Variants in PXDNL observed in about 807,000 individuals in gnomAD.
PXDNL encodes the protein probable oxidoreductase PXDNL.
In PXDNL, 145 loss-of-function variants were observed where a neutral mutation model predicts 150.8. That is an observed-to-expected ratio of 0.96 (90% CI 0.84 to 1.10). The LOEUF is 1.10. Ranked by LOEUF, PXDNL falls within the 50% of genes least tolerant of loss-of-function variation. The pLI, the probability that PXDNL is intolerant of heterozygous loss-of-function variation, is 0.00. For synonymous variants in PXDNL, 757 were observed against 725.7 expected, an observed-to-expected ratio of 1.04 and a Z score of -0.69; for missense variants, 2,087 against 1,873.9, an observed-to-expected ratio of 1.11 and a Z score of -2.10.
chr8:51,761,646 G>A (rs2037167748), intron 1 of PXDNL, among the ~76,000 whole-genome samples: 1 of 152,050 alleles, frequency 6.6e-6, no homozygotes, highest in South Asian at 2.1e-4. Context: ...GGGTTTTCTG[G>A]TATTCTTTTT....
intron 17 of PXDNL, among the ~76,000 whole-genome samples, chr8:51,377,270 TTTC>T (rs1807352164): frequency 6.6e-6 from 1 of 152,138 alleles, no homozygotes; most frequent in Non-Finnish European, 1.5e-5. Context: ...GATTTTTTTT[TTTC>T]TTTTTAAGAG....
Position 51,760,845 on chromosome 8 carries a change from C to CT in PXDNL, c.164+48335dup, listed in dbSNP as rs71237237. Among the ~76,000 whole-genome samples the CT allele has an allele frequency of 4.2e-3, 191 of 45,464 alleles. 38 individuals carry two copies. Among genetic ancestry groups the CT allele is most frequent in the African/African-American group, 6.8e-3 (76 of 11,204 alleles). The allele number at this position is 45,464 out of a possible 152,430, so 29.8% of individuals were successfully genotyped here. Reference sequence around the variant, plus strand: ...GTTAGCCTGAAGGAAATCACTTAAACTTTTTTTTTTTTTTTTTTTTTTTTT... The same window carrying CT: ...GTTAGCCTGAAGGAAATCACTTAAACTTTTTTTTTTTTTTTTTTTTTTTTTT... On this transcript the variant is annotated intron_variant, in intron 1 of 22. Coordinates refer to ENST00000356297, the MANE Select transcript of PXDNL (RefSeq NM_144651.5).
At chr8:51,705,123 T>C (rs993256646) in intron 1 of PXDNL, among the ~76,000 whole-genome samples, 3 of 152,180 alleles carry the variant, frequency 2.0e-5, no homozygotes, top group Admixed American at 1.3e-4. Context: ...GCCCGCTGGA[T>C]CATCCTTTGA....
At chr8:51,685,987 A>C (rs1431559047) in intron 1 of PXDNL, among the ~76,000 whole-genome samples, 2 of 152,198 alleles carry the variant, frequency 1.3e-5, no homozygotes, top group East Asian at 1.9e-4. Context: ...TAGATATTCA[A>C]ATTTCAGAAG....
At chr8:51,807,485 TG>T (rs778284439) in intron 1 of PXDNL, among the ~76,000 whole-genome samples, 27 of 152,126 alleles carry the variant, frequency 1.8e-4, no homozygotes, top group Non-Finnish European at 3.4e-4. Context: ...GAGATTTGGG[TG>T]GGGACACAGA....
At chr8:51,731,615 C>G (rs1002737456) in intron 1 of PXDNL, among the ~76,000 whole-genome samples, 1 of 152,256 alleles carries the variant, frequency 6.6e-6, no homozygotes, top group Non-Finnish European at 1.5e-5. Context: ...TTTGCACTGT[C>G]CTAGCAGAGG....
At chr8:51,488,032 T>C (rs776141005) in intron 5 of PXDNL, among the ~76,000 whole-genome samples, 1 of 152,176 alleles carries the variant, frequency 6.6e-6, no homozygotes, top group Non-Finnish European at 1.5e-5. Context: ...CACTAAAAAA[T>C]ATTATTTCAG....
chr8:51,626,748 T>C (rs1046018660), intron 2 of PXDNL, among the ~76,000 whole-genome samples: 8 of 152,168 alleles, frequency 5.3e-5, no homozygotes, highest in African/African-American at 1.9e-4. Context: ...AAATATTTAA[T>C]TTAAATACCC....
chr8:51,624,432 T>G (rs1211767208), intron 2 of PXDNL, among the ~76,000 whole-genome samples: 3 of 152,188 alleles, frequency 2.0e-5, no homozygotes, highest in Non-Finnish European at 4.4e-5. Flanking sequence ...ATGTAGCCTT[T>G]TCACATTGCT....
In PXDNL at chr8:51,698,674, T is replaced by C. The variant is rs114083472; in HGVS notation, c.165-43914A>G. ...CGCCTGTTCTTAACATTATCTAAAA[T>C]GGTAAATCCTTTCCAGAAACCTTTC... On this transcript the variant is annotated intron_variant, in intron 1 of 22. Coordinates refer to ENST00000356297, the MANE Select transcript of PXDNL (RefSeq NM_144651.5). Among the ~76,000 whole-genome samples, 883 of 152,330 alleles carry C rather than the reference T, an allele frequency of 5.8e-3. 12 individuals are homozygous for C. Among genetic ancestry groups the C allele is most frequent in the African/African-American group, 0.02 (840 of 41,572 alleles).
intron 2 of PXDNL, among the ~76,000 whole-genome samples, chr8:51,633,356 A>G (rs1053365403): frequency 6.6e-6 from 1 of 152,322 alleles, no homozygotes; most frequent in South Asian, 2.1e-4. Flanking sequence ...TATAATGAAC[A>G]TATGAATGCA....
Position 51,754,673 on chromosome 8 carries a change from T to G in PXDNL, c.164+54508A>C, listed in dbSNP as rs370349217. 8.4e-4 allele frequency among the ~76,000 whole-genome samples: 127 copies of G among 152,090 alleles called. 1 individual carries two copies. The South Asian group carries it at 9.8e-3, about 12-fold the overall frequency. ...CGCCCGCCACCATGCCCGGCTAATT[T>G]TTTGTATTTTTAGTAGAGATACGGT... On this transcript the variant is annotated intron_variant, in intron 1 of 22. Coordinates refer to ENST00000356297, the MANE Select transcript of PXDNL (RefSeq NM_144651.5).
In PXDNL at chr8:51,388,302, G is replaced by T. The variant is rs984815376; in HGVS notation, c.3558-13571C>A. Among the ~76,000 whole-genome samples the T allele has an allele frequency of 1.7e-4, 26 of 152,006 alleles. 1 individual carries two copies. Among genetic ancestry groups the T allele is most frequent in the East Asian group, 5.8e-4 (3 of 5,178 alleles). On this transcript the variant is annotated intron_variant, in intron 17 of 22. Transcript: ENST00000356297. Reference sequence around the variant, plus strand: ...CAAACAGTAACTTCTTAGAAATCTGGTTTTTTTATGTTTTTGTAACTTAAC... The same window carrying T: ...CAAACAGTAACTTCTTAGAAATCTGTTTTTTTTATGTTTTTGTAACTTAAC...
chr8:51,439,313 A>G (rs1208386340), intron 12 of PXDNL, among the ~76,000 whole-genome samples: 1 of 152,220 alleles, frequency 6.6e-6, no homozygotes, highest in Non-Finnish European at 1.5e-5. Flanking sequence ...GCCAACAAAC[A>G]TATGAAAAAA....
At chr8:51,582,744 C>T (rs890101295) in intron 3 of PXDNL, among the ~76,000 whole-genome samples, 2 of 152,068 alleles carry the variant, frequency 1.3e-5, no homozygotes, top group Admixed American at 1.3e-4. Flanking sequence ...AAGTAAGACA[C>T]TACAGTTATC....
chr8:51,569,449 AT>A (rs1424628949), intron 3 of PXDNL, among the ~76,000 whole-genome samples: 3 of 151,952 alleles, frequency 2.0e-5, no homozygotes, highest in Middle Eastern at 3.2e-3. Flanking sequence ...CAAAAATGTT[AT>A]GATGAACATA....
At chr8:51,623,368 A>G (rs1438219298) in intron 2 of PXDNL, among the ~76,000 whole-genome samples, 2 of 152,212 alleles carry the variant, frequency 1.3e-5, no homozygotes, top group Non-Finnish European at 2.9e-5. Context: ...AACTGTTAAA[A>G]AGATCACATG....
At chr8:51,382,852 A>C (rs1006414162) in intron 17 of PXDNL, among the ~76,000 whole-genome samples, 1 of 152,238 alleles carries the variant, frequency 6.6e-6, no homozygotes, top group Admixed American at 6.5e-5. Flanking sequence ...AAGTTTTAGA[A>C]GTTAGAACAT....
At chr8:51,608,054 A>AAGAAAGC (rs1813893987) in intron 2 of PXDNL, among the ~76,000 whole-genome samples, 2 of 111,596 alleles carry the variant, frequency 1.8e-5, no homozygotes, top group Non-Finnish European at 3.6e-5. Flanking sequence ...AGAAAGAAAG[A>AAGAAAGC]AAGCAAGCAA....
Sources: gnomAD v4.1 joint callset for allele counts (sites outside exome capture counted in the v4.1 genomes callset) on GRCh38, gnomAD v4.1.1 for gene constraint, MANE v1.5 for transcripts, NCBI Gene and HGNC (gene_info 2026-07-23, HGNC 2026-07-21) for gene names.